CD4: variants seen among roughly 807,000 people sequenced by gnomAD.
CD4 encodes T-cell surface glycoprotein CD4.
A neutral mutation model predicts 50.5 loss-of-function variants in CD4; 25 were observed. That is an observed-to-expected ratio of 0.49 (90% CI 0.36 to 0.69). CD4 has a LOEUF of 0.69. Among genes scored for constraint, CD4 ranks in the 30% least tolerant of loss-of-function variants. The pLI, the probability that CD4 is intolerant of heterozygous loss-of-function variation, is 0.00. For synonymous variants in CD4, 207 were observed against 221.9 expected (o/e 0.93, Z 0.60); for missense variants, 456 against 548.5 (o/e 0.83, Z 1.68).
intron 3 of CD4, among the ~76,000 whole-genome samples, chr12:6,812,771 TTGTG>T (rs782347075): frequency 1.7e-3 from 98 of 57,586 alleles, no homozygotes; most frequent in Admixed American, 3.1e-3. Flanking sequence ...AAGGTTATTT[TTGTG>T]TGTGTGTGTG....
intron 3 of CD4, among the ~76,000 whole-genome samples, chr12:6,809,495 C>CA (rs57125418): frequency 1.1e-3 from 155 of 140,758 alleles, no homozygotes; most frequent in African/African-American, 2.3e-3. Context: ...GACCCTGTCT[C>CA]AAAAAAAAAA....
chr12:6,801,548 T>C (rs1942549477), intron 3 of CD4, among the ~76,000 whole-genome samples: 1 of 150,458 alleles, frequency 6.6e-6, no homozygotes, highest in African/African-American at 2.5e-5. Flanking sequence ...NATTTATTAT[T>C]ATTATTATTA....
At chr12:6,789,978 CT>C (rs1335438614) in intron 1 of CD4, among the ~76,000 whole-genome samples, 1 of 151,776 alleles carries the variant, frequency 6.6e-6, no homozygotes, top group East Asian at 1.9e-4. Context: ...CTATCCCAGG[CT>C]GGGAAAGGCG....
Position 6,814,035 on chromosome 12 carries a change from T to G in CD4, c.215-107T>G. 4.2e-6 allele frequency: 4 copies of G among 942,232 alleles called. No individual in the cohort carries two copies. In the South Asian group the frequency reaches 6.5e-5, roughly 15 times the overall value. 58.4% of individuals were successfully genotyped at this position (942,232 alleles called of 1,614,324 possible). A position where few individuals can be genotyped will look rare whatever the true frequency, so the allele number is the denominator to read the frequency against. ...TCTGATTAGAACGAGGAGCAGATGTTGCAGGAAATTAGCAACTGATATCAG... is the reference window on the plus strand; with the variant it reads ...TCTGATTAGAACGAGGAGCAGATGTGGCAGGAAATTAGCAACTGATATCAG... On this transcript the variant is annotated intron_variant, in intron 3 of 9. Coordinates refer to ENST00000011653, the MANE Select transcript of CD4 (RefSeq NM_000616.5).
At chr12:6,798,760 C>G (rs1942452889) in intron 1 of CD4, 1 of 152,350 alleles carries the variant, frequency 6.6e-6, no homozygotes, top group South Asian at 2.1e-4. Flanking sequence ...CCACTTGGCT[C>G]AGGCCCTTTG....
rs782490832 is a variant in CD4, at chr12:6,816,211, G to A, written c.763G>A (p.Asp255Asn). The A allele has an allele frequency of 1.2e-6, 2 of 1,614,180 alleles. No homozygotes were observed. The highest frequency in any genetic ancestry group is 1.7e-6 in the Non-Finnish European group (2 of 1,180,036). The change falls in exon 6 of 10, where the codon GAC (aspartate) becomes AAC (asparagine). Residue 255 changes from aspartate (D) to asparagine (N), a missense_variant. Coordinates refer to ENST00000011653, the MANE Select transcript of CD4 (RefSeq NM_000616.5). The surrounding 1 kb of genome is among the most constrained non-coding windows in gnomAD (Gnocchi z 4.9). ...ASSSKSWITF[D>N]LKNKEVSVKR... is the part of the protein sequence containing the mutation. The stretch of plus-strand genomic sequence containing the variant: ...CTCCTCCAAGTCTTGGATCACCTTT[G>A]ACCTGAAGAACAAGGAAGTGTCTGT...
At chr12:6,796,724 G>A (rs1246017844) in intron 1 of CD4, among the ~76,000 whole-genome samples, 1 of 152,152 alleles carries the variant, frequency 6.6e-6, no homozygotes, top group African/African-American at 2.4e-5. Context: ...TGCAATCACT[G>A]CCTGCACAAA....
chr12:6,794,792 T>TTTTTTTTTTTG (rs1942318769), intron 1 of CD4, among the ~76,000 whole-genome samples: 1 of 139,862 alleles, frequency 7.1e-6, no homozygotes, highest in African/African-American at 2.6e-5. Flanking sequence ...TTTTGTTTTT[T>TTTTTTTTTTTG]TTTTTTTTTT....
chr12:6,815,741 A>G (rs1354662289), intron 5 of CD4: 1 of 1,369,692 alleles, frequency 7.3e-7, no homozygotes, highest in East Asian at 4.1e-5. Context: ...GGTGATGAAT[A>G]CGCCTCTAAG....
At position 6,801,850 on chromosome 12, in the gene CD4, G is replaced by A. The variant is rs371576965; in HGVS notation, c.214+1379G>A. On this transcript the variant is annotated intron_variant, in intron 3 of 9. Transcript: ENST00000011653. ...GCTGGGATTACAGGCGTGAGTCACT[G>A]TGCCCGGCCCAGAATCATTTTTTTC... Among the ~76,000 whole-genome samples the A allele has an allele frequency of 2.0e-5, 3 of 149,434 alleles. No individual in the cohort carries two copies. In the East Asian group the frequency reaches 6.0e-4, roughly 30 times the overall value.
At position 6,807,851 on chromosome 12, in the gene CD4, C is replaced by T. The variant is rs140003596; in HGVS notation, c.215-6291C>T. Among the ~76,000 whole-genome samples the T allele has an allele frequency of 9.9e-4, 151 of 152,098 alleles. 1 individual carries two copies. Among genetic ancestry groups the T allele is most frequent in the African/African-American group, 3.3e-3 (137 of 41,478 alleles). ...ATCTCAGCTCTTTGGGAGGCTGAGACGGGTGGATGGCTTGAGTCCAGGAGT... is the reference window on the plus strand; with the variant it reads ...ATCTCAGCTCTTTGGGAGGCTGAGATGGGTGGATGGCTTGAGTCCAGGAGT... On this transcript the variant is annotated intron_variant, in intron 3 of 9. Coordinates refer to ENST00000011653, the MANE Select transcript of CD4 (RefSeq NM_000616.5).
At chr12:6,801,539 A>ATTT (rs1379024554) in intron 3 of CD4, among the ~76,000 whole-genome samples, 4 of 145,610 alleles carry the variant, frequency 2.7e-5, no homozygotes, top group Non-Finnish European at 4.5e-5. Flanking sequence ...AAAGCTGCAN[A>ATTT]TTTATTATTA....
chr12:6,793,984 A>G (rs1296832712), intron 1 of CD4, among the ~76,000 whole-genome samples: 1 of 150,806 alleles, frequency 6.6e-6, no homozygotes, highest in Non-Finnish European at 1.5e-5. Context: ...CTATCTATCT[A>G]TCTATCTATC....
At chr12:6,808,057 G>C (rs1942819261) in intron 3 of CD4, among the ~76,000 whole-genome samples, 1 of 142,904 alleles carries the variant, frequency 7.0e-6, no homozygotes, top group African/African-American at 2.7e-5. Context: ...TGTAGCTTGG[G>C]CGACAGAGTG....
At chr12:6,799,312 C>G (rs1942467347) in intron 1 of CD4, 2 of 151,866 alleles carry the variant, frequency 1.3e-5, no homozygotes, top group African/African-American at 4.8e-5. Context: ...TTTTTTTTCT[C>G]TTTTTCCTCA....
rs188658328 is a variant in CD4, at chr12:6,798,330, C to T, written c.-67-1742C>T. On this transcript the variant is annotated intron_variant, in intron 1 of 9. Coordinates refer to ENST00000011653, the MANE Select transcript of CD4 (RefSeq NM_000616.5). ...GACTACAGGCGCCCGCCACCACGCC[C>T]GGCTAATTTTTTTGTATTTTTTTAG... is the stretch of plus-strand genomic sequence containing the variant. 3.0e-5 allele frequency among the ~76,000 whole-genome samples: 4 copies of T among 133,820 alleles called. No individual in the cohort carries two copies. The East Asian group carries it at 7.7e-4, about 26-fold the overall frequency. The allele number at this position is 133,820 out of a possible 152,430, so 87.8% of individuals were successfully genotyped here.
Position 6,816,390 on chromosome 12 carries a change from G to C in CD4, c.942G>C (p.Leu314=), listed in dbSNP as rs2137920287. 6.2e-7 allele frequency: 1 copy of C among 1,613,522 alleles called. No individual in the cohort carries two copies. Among genetic ancestry groups the C allele is most frequent in the Non-Finnish European group, 8.5e-7 (1 of 1,179,582 alleles). ...GAAAGTTGCATCAGGAAGTGAACCTGGTGGTGATGAGAGGTGAGGGGCCAG... is the reference window on the plus strand; with the variant it reads ...GAAAGTTGCATCAGGAAGTGAACCTCGTGGTGATGAGAGGTGAGGGGCCAG... ...KTGKLHQEVN[L]VVMRATQLQK... The change falls in exon 6 of 10, where the codon CTG becomes CTC. Residue 314 remains leucine (L), a synonymous_variant. Transcript: ENST00000011653. This position sits in a 1 kb window ranked among gnomAD's most constrained non-coding sequence, Gnocchi z 4.9.
chr12:6,796,006 G>A (rs1237482274), intron 1 of CD4, among the ~76,000 whole-genome samples: 2 of 152,196 alleles, frequency 1.3e-5, no homozygotes, highest in Non-Finnish European at 2.9e-5. Context: ...GGCTGGATGT[G>A]TGCATACATT....
Position 6,816,682 on chromosome 12 carries a change from C to T in CD4, c.955+279C>T, listed in dbSNP as rs28919571. Among the ~76,000 whole-genome samples the T allele has an allele frequency of 1.4e-3, 218 of 152,298 alleles. No homozygotes were observed. Among genetic ancestry groups the T allele is most frequent in the African/African-American group, 4.4e-3 (182 of 41,564 alleles). On this transcript the variant is annotated intron_variant, in intron 6 of 9. Coordinates refer to ENST00000011653, the MANE Select transcript of CD4 (RefSeq NM_000616.5). The surrounding 1 kb of genome is among the most constrained non-coding windows in gnomAD (Gnocchi z 4.9). The stretch of plus-strand genomic sequence containing the variant: ...AACCCTCTGTGACCCTGGCTAAGCC[C>T]CCTCCCACTGCAGGCCTGCTTCCTG...
Sources: allele counts gnomAD v4.1 joint callset (sites outside exome capture counted in the v4.1 genomes callset), GRCh38; gene constraint gnomAD v4.1.1; non-coding constraint Gnocchi (gnomAD v3.1); transcripts MANE v1.5; gene names NCBI Gene and HGNC (gene_info 2026-07-23, HGNC 2026-07-21).